Variants in FILIP1L observed in about 807,000 individuals in gnomAD.
The protein encoded by FILIP1L is filamin A interacting protein 1 like.
Under a neutral mutation model 96.6 loss-of-function variants are expected in FILIP1L, and 55 were observed. That is an observed-to-expected ratio of 0.57 (90% CI 0.46 to 0.71). FILIP1L has a LOEUF of 0.71. Ranked by LOEUF, FILIP1L falls within the 30% of genes least tolerant of loss-of-function variation. FILIP1L has a pLI of 0.00. For synonymous variants in FILIP1L, 467 were observed against 473.9 expected (o/e 0.99, Z 0.19); for missense variants, 1,304 against 1,321.2 (o/e 0.99, Z 0.20).
At chr3:99,974,709 A>AAACAACAACAAC (rs371476675) in intron 1 of FILIP1L, among the ~76,000 whole-genome samples, 1 of 151,912 alleles carries the variant, frequency 6.6e-6, no homozygotes, top group Non-Finnish European at 1.5e-5. Flanking sequence ...CTCCATCTCA[A>AAACAACAACAAC]AACAACAACA....
chr3:99,963,929 A>C (rs1708568518), intron 1 of FILIP1L, among the ~76,000 whole-genome samples: 1 of 152,068 alleles, frequency 6.6e-6, no homozygotes, highest in Admixed American at 6.6e-5. Context: ...TCCATTTGTT[A>C]ATGACTTAAT....
At chr3:100,007,438 T>A (rs1710019496) in intron 1 of FILIP1L, among the ~76,000 whole-genome samples, 1 of 152,140 alleles carries the variant, frequency 6.6e-6, no homozygotes, top group South Asian at 2.1e-4. Flanking sequence ...CTTGCTTGTA[T>A]ATCTCCCACC....
chr3:100,077,040 G>T (rs758179452), intron 1 of FILIP1L, among the ~76,000 whole-genome samples: 2 of 152,222 alleles, frequency 1.3e-5, no homozygotes, highest in Non-Finnish European at 2.9e-5. Flanking sequence ...AGGCTGGCCA[G>T]GGTACGCTTA....
chr3:99,932,297 T>C (rs1413596576), intron 1 of FILIP1L, among the ~76,000 whole-genome samples: 6 of 152,178 alleles, frequency 3.9e-5, no homozygotes, highest in African/African-American at 1.4e-4. Flanking sequence ...ATGTATAGTA[T>C]TACATTTTCA....
intron 4 of FILIP1L, among the ~76,000 whole-genome samples, chr3:99,890,728 G>GTT (rs375497653): frequency 1.4e-5 from 2 of 142,824 alleles, no homozygotes; most frequent in Non-Finnish European, 1.5e-5. Context: ...CCAATCCGCT[G>GTT]TTTTTTTTTT....
intron 4 of FILIP1L, among the ~76,000 whole-genome samples, chr3:99,913,717 G>T (rs1271551265): frequency 6.6e-6 from 1 of 152,200 alleles, no homozygotes; most frequent in African/African-American, 2.4e-5. Flanking sequence ...AGTAGGAAGT[G>T]AGAGCAGGGC....
intron 1 of FILIP1L, among the ~76,000 whole-genome samples, chr3:100,019,444 T>C (rs2064764762): frequency 6.6e-6 from 1 of 152,210 alleles, no homozygotes; most frequent in African/African-American, 2.4e-5. Context: ...AAATTAATAA[T>C]AAGTGATGAC....
chr3:100,035,028 C>T (rs77094402), intron 1 of FILIP1L, among the ~76,000 whole-genome samples: 2 of 152,112 alleles, frequency 1.3e-5, no homozygotes, highest in Admixed American at 6.5e-5. Context: ...CTAGGGGGTT[C>T]TCTCCAGATA....
chr3:99,917,988 T>C (rs759333790), intron 4 of FILIP1L, among the ~76,000 whole-genome samples: 1 of 151,822 alleles, frequency 6.6e-6, no homozygotes, highest in South Asian at 2.1e-4. Context: ...TTTTGTTTTG[T>C]TTTTTTTGAG....
intron 3 of FILIP1L, 141 bp downstream of exon 3, chr3:99,929,715 C>T (rs1224302782): frequency 5.4e-6 from 3 of 552,850 alleles, no homozygotes; most frequent in Admixed American, 3.9e-5. Flanking sequence ...TTGAACTTGT[C>T]GTATTTATCT....
intron 1 of FILIP1L, among the ~76,000 whole-genome samples, chr3:99,964,072 G>A (rs1231837738): frequency 6.6e-6 from 1 of 152,020 alleles, no homozygotes; most frequent in Non-Finnish European, 1.5e-5. Flanking sequence ...TAATTGTTAT[G>A]TGATTAAATA....
At chr3:99,851,488 C>T (rs935869029) in intron 4 of FILIP1L, among the ~76,000 whole-genome samples, 1 of 152,146 alleles carries the variant, frequency 6.6e-6, no homozygotes, top group Non-Finnish European at 1.5e-5. Flanking sequence ...CATCTCTGAG[C>T]CTCAATTTCC....
intron 1 of FILIP1L, among the ~76,000 whole-genome samples, chr3:99,983,456 ATATGTG>A (rs796519364): frequency 2.9e-3 from 29 of 9,838 alleles, no homozygotes; most frequent in African/African-American, 9.9e-3. Flanking sequence ...GTATATATAT[ATATGTG>A]TGTATATATA....
intron 1 of FILIP1L, among the ~76,000 whole-genome samples, chr3:100,080,266 A>G (rs1377045643): frequency 6.6e-6 from 1 of 152,254 alleles, no homozygotes; most frequent in African/African-American, 2.4e-5. Flanking sequence ...TACAAGCATG[A>G]ACCACTGCAC....
intron 1 of FILIP1L, among the ~76,000 whole-genome samples, chr3:100,113,813 G>A (rs1287465650): frequency 6.6e-6 from 1 of 152,108 alleles, no homozygotes; most frequent in Non-Finnish European, 1.5e-5. Flanking sequence ...TTTCTTTCAT[G>A]TGTATCACTA....
chr3:99,852,833 A>G (rs907385330), intron 4 of FILIP1L, among the ~76,000 whole-genome samples: 1 of 152,112 alleles, frequency 6.6e-6, no homozygotes, highest in Non-Finnish European at 1.5e-5. Flanking sequence ...CTTTTCTGTA[A>G]TTTTCTGTAA....
intron 1 of FILIP1L, among the ~76,000 whole-genome samples, chr3:100,006,253 C>T (rs1200985465): frequency 1.3e-5 from 2 of 152,102 alleles, no homozygotes; most frequent in East Asian, 3.8e-4. Flanking sequence ...CTCAACTGAT[C>T]TTTGGCTCTT....
chr3:100,094,862 G>GT (rs1484015793), intron 1 of FILIP1L, among the ~76,000 whole-genome samples: 1 of 151,556 alleles, frequency 6.6e-6, no homozygotes, highest in Non-Finnish European at 1.5e-5. Context: ...TTGTGTGTGT[G>GT]TTTTTTTAGT....
chr3:99,888,429 A>G (rs1236769441), intron 4 of FILIP1L, among the ~76,000 whole-genome samples: 2 of 152,138 alleles, frequency 1.3e-5, no homozygotes, highest in African/African-American at 2.4e-5. Context: ...AGTAATTATG[A>G]TTTACCAAAG....
Sources: allele counts gnomAD v4.1 joint callset (sites outside exome capture counted in the v4.1 genomes callset), GRCh38; gene constraint gnomAD v4.1.1; transcripts MANE v1.5; gene names NCBI Gene and HGNC (gene_info 2026-07-23, HGNC 2026-07-21).